Variants in VPS13B observed in about 807,000 individuals in gnomAD.
The protein encoded by VPS13B is vacuolar protein sorting 13 homolog B.
Under a neutral mutation model 426.4 loss-of-function variants are expected in VPS13B, and 285 were observed. The observed-to-expected ratio is 0.67, with a 90% CI of 0.61 to 0.74. The LOEUF (loss-of-function observed/expected upper bound fraction) is 0.74, where lower values mean the gene tolerates loss of function less well. Among genes scored for constraint, VPS13B ranks in the 30% least tolerant of loss-of-function variants. The pLI is 0.00. For synonymous variants in VPS13B, 1,676 were observed against 1,676.4 expected, an observed-to-expected ratio of 1.00 and a Z score of 0.01; for missense variants, 4,537 against 4,782.6, an observed-to-expected ratio of 0.95 and a Z score of 1.51.
At chr8:99,791,017 G>A (rs1384076508) in intron 43 of VPS13B, among the ~76,000 whole-genome samples, 4 of 152,174 alleles carry the variant, frequency 2.6e-5, no homozygotes, top group Non-Finnish European at 5.9e-5. Flanking sequence ...TACCCAGAGA[G>A]ATCAAAGTTA....
chr8:99,520,389 T>TTGTGTGTGTG (rs140216567), intron 29 of VPS13B, among the ~76,000 whole-genome samples: 44 of 138,568 alleles, frequency 3.2e-4, no homozygotes, highest in Middle Eastern at 7.4e-3. Context: ...GTGATATACT[T>TTGTGTGTGTG]TGTGTGTGTG....
chr8:99,197,688 T>C (rs2132745403), intron 17 of VPS13B, among the ~76,000 whole-genome samples: 1 of 152,300 alleles, frequency 6.6e-6, no homozygotes, highest in East Asian at 1.9e-4. Flanking sequence ...TTGAGCATGC[T>C]CCTTTTTCTT....
chr8:99,636,988 G>C (rs1178666035), intron 33 of VPS13B, among the ~76,000 whole-genome samples: 1 of 152,024 alleles, frequency 6.6e-6, no homozygotes, highest in Non-Finnish European at 1.5e-5. Flanking sequence ...AAATAAGTTA[G>C]GTAAAGAGTG....
Position 99,821,034 on chromosome 8 carries a change from G to A in VPS13B, c.8995-260G>A, listed in dbSNP as rs1814327621. 3.8e-5 allele frequency among the ~76,000 whole-genome samples: 5 copies of A among 132,930 alleles called. No individual in the cohort carries two copies. The South Asian group carries it at 9.7e-4, about 26-fold the overall frequency. The allele number at this position is 132,930 out of a possible 152,430, so 87.2% of individuals were successfully genotyped here. A position where few individuals can be genotyped will look rare whatever the true frequency, so the allele number is the denominator to read the frequency against. On this transcript the variant is annotated intron_variant, in intron 49 of 61. Transcript: ENST00000357162. ...GTTTTCCCCTCCCTTCCGTAAATAC[G>A]AATTCCATTGTGAGTAAAAAAAAAA...
chr8:99,033,433 A>G (rs1206161173), intron 2 of VPS13B, among the ~76,000 whole-genome samples: 3 of 152,186 alleles, frequency 2.0e-5, no homozygotes, highest in Non-Finnish European at 4.4e-5. Flanking sequence ...TTGGATTTGA[A>G]TTCACTGATT....
intron 17 of VPS13B, among the ~76,000 whole-genome samples, chr8:99,243,823 TCAA>T (rs1817063209): frequency 6.6e-6 from 1 of 152,252 alleles, no homozygotes; most frequent in African/African-American, 2.4e-5. Flanking sequence ...CAGATGTCTT[TCAA>T]TAACTATAGC....
At chr8:99,144,937 T>A (rs1023732765) in intron 13 of VPS13B, among the ~76,000 whole-genome samples, 1 of 152,186 alleles carries the variant, frequency 6.6e-6, no homozygotes, top group Admixed American at 6.6e-5. Flanking sequence ...TTAGGAAAGT[T>A]TTCTCTGAAG....
intron 36 of VPS13B, 116 bp downstream of exon 36, chr8:99,700,048 A>T (rs1286006652): frequency 7.9e-6 from 10 of 1,271,040 alleles, no homozygotes; most frequent in Non-Finnish European, 1.1e-5. Flanking sequence ...TGTAAAGGCC[A>T]TTAGAGATGA....
At chr8:99,361,863 T>C (rs1045187941) in intron 19 of VPS13B, among the ~76,000 whole-genome samples, 26 of 152,230 alleles carry the variant, frequency 1.7e-4, no homozygotes, top group Admixed American at 1.7e-3. Flanking sequence ...GTTCCTACTG[T>C]ATAATAGGCA....
At chr8:99,683,187 A>C (rs1831227438) in intron 35 of VPS13B, among the ~76,000 whole-genome samples, 1 of 151,862 alleles carries the variant, frequency 6.6e-6, no homozygotes, top group African/African-American at 2.4e-5. Flanking sequence ...CTATTTCTGG[A>C]CTCTGTTCTG....
At chr8:99,406,254 G>T (rs1418521572) in intron 21 of VPS13B, among the ~76,000 whole-genome samples, 2 of 149,648 alleles carry the variant, frequency 1.3e-5, no homozygotes, top group African/African-American at 2.5e-5. Context: ...TCCTTCTCTA[G>T]AATATATCTC....
chr8:99,615,792 C>T (rs535884650), intron 33 of VPS13B, among the ~76,000 whole-genome samples: 2 of 152,084 alleles, frequency 1.3e-5, no homozygotes, highest in African/African-American at 4.8e-5. Flanking sequence ...TGTTAAAGCC[C>T]CTTTCAGTTC....
chr8:99,764,698 A>G (rs1302891206), intron 39 of VPS13B, among the ~76,000 whole-genome samples: 1 of 152,018 alleles, frequency 6.6e-6, no homozygotes, highest in Non-Finnish European at 1.5e-5. Context: ...TTCAGACGTG[A>G]GCCACCACAC....
chr8:99,375,541 T>G (rs1212055892), intron 19 of VPS13B, among the ~76,000 whole-genome samples: 4 of 152,246 alleles, frequency 2.6e-5, no homozygotes, highest in Non-Finnish European at 5.9e-5. Flanking sequence ...TGATTTATAC[T>G]AAATTTGACA....
chr8:99,082,413 G>A (rs77930400), intron 3 of VPS13B, among the ~76,000 whole-genome samples: 112,657 of 151,962 alleles, frequency 0.74, 42,411 homozygotes, highest in South Asian at 0.87. Context: ...TCTGTAGGAT[G>A]CCTGTTCACT....
chr8:99,422,445 T>C (rs987382173), intron 21 of VPS13B, among the ~76,000 whole-genome samples: 2 of 152,190 alleles, frequency 1.3e-5, no homozygotes, highest in African/African-American at 4.8e-5. Flanking sequence ...CATTTTCAAA[T>C]GGTAATAATA....
chr8:99,835,395 T>C, intron 53 of VPS13B, 71 bp downstream of exon 53: 1 of 1,539,672 alleles, frequency 6.5e-7, no homozygotes, highest in East Asian at 2.3e-5. Context: ...GATTTAGTAG[T>C]TACCTGTGAT....
At chr8:99,088,925 T>C (rs1260647224) in intron 3 of VPS13B, among the ~76,000 whole-genome samples, 2 of 152,162 alleles carry the variant, frequency 1.3e-5, no homozygotes, top group Non-Finnish European at 2.9e-5. Context: ...GCAGGTACAG[T>C]CTTTTCAAAT....
chr8:99,234,241 T>G (rs1238625069), intron 17 of VPS13B: 1 of 773,032 alleles, frequency 1.3e-6, no homozygotes, highest in Non-Finnish European at 2.4e-6. Flanking sequence ...GCTATTTTGC[T>G]TCTTCCCTTG....
Sources: allele counts gnomAD v4.1 joint callset (sites outside exome capture counted in the v4.1 genomes callset), GRCh38; gene constraint gnomAD v4.1.1; transcripts MANE v1.5; gene names NCBI Gene and HGNC (gene_info 2026-07-23, HGNC 2026-07-21).